CSMD1: variants seen among roughly 807,000 people sequenced by gnomAD.
CSMD1 encodes CUB and sushi domain-containing protein 1.
CSMD1 carries 213 observed loss-of-function variants against 417.5 expected under a neutral mutation model. The observed-to-expected ratio is 0.51, with a 90% CI of 0.46 to 0.57. The LOEUF (loss-of-function observed/expected upper bound fraction) is 0.57, where lower values mean the gene tolerates loss of function less well. Ranked by LOEUF, CSMD1 falls within the 20% of genes least tolerant of loss-of-function variation. The probability of loss-of-function intolerance (pLI) is 0.00; values close to 1 mark genes in which losing one functional copy is unlikely to be tolerated. For missense variants in CSMD1, 6,923 were observed against 4,529.7 expected (o/e 1.53, Z -15.17); for synonymous variants, 2,862 against 1,736.8 (o/e 1.65, Z -16.11).
At chr8:3,489,201 G>C (rs552706031) in intron 11 of CSMD1, among the ~76,000 whole-genome samples, 3 of 152,294 alleles carry the variant, frequency 2.0e-5, no homozygotes, top group African/African-American at 7.2e-5. Context: ...ATGCCAGGCA[G>C]TGTCTGGGAG....
intron 1 of CSMD1, among the ~76,000 whole-genome samples, chr8:4,868,609 G>C (rs1249795206): frequency 3.9e-5 from 6 of 151,984 alleles, no homozygotes; most frequent in Admixed American, 1.3e-4. Flanking sequence ...GAGGCATAAT[G>C]AACAAGTGTT....
At chr8:4,159,041 T>C (rs544074578) in intron 3 of CSMD1, among the ~76,000 whole-genome samples, 3 of 151,992 alleles carry the variant, frequency 2.0e-5, no homozygotes, top group East Asian at 3.9e-4. Context: ...TCAGCCTCCA[T>C]AGTAACTGGG....
intron 46 of CSMD1, 82 bp downstream of exon 46, chr8:3,106,446 C>T (rs958301697): frequency 7.5e-6 from 6 of 800,038 alleles, no homozygotes; most frequent in Non-Finnish European, 1.2e-5. Context: ...CACATCTATA[C>T]AAAGAAATGC....
At chr8:4,658,717 C>T (rs1741093419) in intron 1 of CSMD1, among the ~76,000 whole-genome samples, 1 of 152,104 alleles carries the variant, frequency 6.6e-6, no homozygotes, top group Non-Finnish European at 1.5e-5. Flanking sequence ...ATAAAAGTCA[C>T]TATTCTTATA....
chr8:4,564,670 G>C lies in CSMD1; in HGVS notation c.302+72672C>G, dbSNP rs968317915. Among the ~76,000 whole-genome samples the C allele has an allele frequency of 3.3e-5, 5 of 152,296 alleles. 1 individual carries two copies. The highest frequency in any genetic ancestry group is 1.5e-5 in the Non-Finnish European group (1 of 68,030). ...CACTGAGGAAGCAGATAATTCTAAA[G>C]TCTATAGTACCTGAGTAAGCTAACA... On this transcript the variant is annotated intron_variant, in intron 2 of 69. Coordinates refer to ENST00000635120, the MANE Select transcript of CSMD1 (RefSeq NM_033225.6).
intron 5 of CSMD1, among the ~76,000 whole-genome samples, chr8:3,855,302 G>T (rs556374293): frequency 7.2e-5 from 11 of 152,084 alleles, no homozygotes; most frequent in African/African-American, 2.4e-4. Context: ...TAAACTTGAG[G>T]CATTAAAAAT....
At chr8:4,156,691 AG>A (rs1796853058) in intron 3 of CSMD1, among the ~76,000 whole-genome samples, 1 of 152,120 alleles carries the variant, frequency 6.6e-6, no homozygotes, top group African/African-American at 2.4e-5. Flanking sequence ...CTGTACTGTC[AG>A]GGGCCCAAGA....
At chr8:2,990,458 C>T (rs1445798292) in intron 54 of CSMD1, among the ~76,000 whole-genome samples, 1 of 152,160 alleles carries the variant, frequency 6.6e-6, no homozygotes, top group Non-Finnish European at 1.5e-5. Context: ...AAACCCATCC[C>T]CCATTTTCCA....
rs1250962536 is a variant in CSMD1, at chr8:2,962,846, C to T, written c.9455-207G>A. On this transcript the variant is annotated intron_variant, in intron 60 of 69. Coordinates refer to ENST00000635120, the MANE Select transcript of CSMD1 (RefSeq NM_033225.6). The stretch of plus-strand genomic sequence containing the variant: ...GGCGGATCGCTTGAGCTCAGGAGTT[C>T]GAGACTAGCCTGGGCAACATGGCGA... Among the ~76,000 whole-genome samples the T allele has an allele frequency of 2.6e-5, 4 of 152,116 alleles. No homozygotes were observed. In the East Asian group the frequency reaches 5.8e-4, roughly 22 times the overall value.
intron 5 of CSMD1, among the ~76,000 whole-genome samples, chr8:3,794,420 T>A (rs189222216): frequency 4.6e-5 from 7 of 152,276 alleles, no homozygotes; most frequent in Non-Finnish European, 4.4e-5. Context: ...ACCTGTACCT[T>A]TGTTAAATGT....
intron 2 of CSMD1, among the ~76,000 whole-genome samples, chr8:4,448,772 G>T (rs1275521401): frequency 6.6e-6 from 1 of 151,988 alleles, no homozygotes. Flanking sequence ...CATATTTAAG[G>T]CTTTAAATGA....
intron 3 of CSMD1, among the ~76,000 whole-genome samples, chr8:4,102,965 A>G (rs903963296): frequency 2.0e-5 from 3 of 152,152 alleles, no homozygotes; most frequent in Non-Finnish European, 4.4e-5. Flanking sequence ...GATAACTTTA[A>G]CACGTGCAGA....
intron 1 of CSMD1, among the ~76,000 whole-genome samples, chr8:4,897,839 T>C (rs1182765561): frequency 6.6e-6 from 1 of 152,178 alleles, no homozygotes; most frequent in African/African-American, 2.4e-5. Context: ...TGTATAATGC[T>C]AAGAAGAGAA....
chr8:3,182,144 A>C lies in CSMD1; in HGVS notation c.5621-930T>G, dbSNP rs114394850. Among the ~76,000 whole-genome samples the C allele has an allele frequency of 5.9e-3, 898 of 152,340 alleles. 10 individuals are homozygous for C. Among genetic ancestry groups the C allele is most frequent in the African/African-American group, 0.02 (836 of 41,572 alleles). ...GGAGAAATGATAATTTAAATAACAA[A>C]GCAAAGAAATAAGTTGATAATTATT... On this transcript the variant is annotated intron_variant, in intron 36 of 69. Transcript: ENST00000635120.
At chr8:3,576,391 C>T (rs1241791861) in intron 9 of CSMD1, among the ~76,000 whole-genome samples, 1 of 152,062 alleles carries the variant, frequency 6.6e-6, no homozygotes, top group East Asian at 1.9e-4. Flanking sequence ...GTTATGCATT[C>T]CCTGACCTTA....
At chr8:4,852,455 T>A (rs1172768099) in intron 1 of CSMD1, among the ~76,000 whole-genome samples, 1 of 152,168 alleles carries the variant, frequency 6.6e-6, no homozygotes, top group Non-Finnish European at 1.5e-5. Context: ...CATGATTGAA[T>A]GCTTGATGAG....
At chr8:3,667,484 G>A (rs1190018203) in intron 7 of CSMD1, among the ~76,000 whole-genome samples, 1 of 152,106 alleles carries the variant, frequency 6.6e-6, no homozygotes, top group African/African-American at 2.4e-5. Flanking sequence ...AAACAATGCA[G>A]GGCCAGGGTG....
chr8:4,186,850 G>T (rs1798707224), intron 3 of CSMD1, among the ~76,000 whole-genome samples: 1 of 132,362 alleles, frequency 7.6e-6, no homozygotes, highest in African/African-American at 2.8e-5. Context: ...AAAAAAATCA[G>T]CCGGGCGTGG....
At chr8:3,435,342 C>A (rs965802194) in intron 12 of CSMD1, among the ~76,000 whole-genome samples, 2 of 152,306 alleles carry the variant, frequency 1.3e-5, no homozygotes, top group Admixed American at 1.3e-4. Context: ...AACAGATGCC[C>A]TGAGTGGTTC....
Sources: allele counts gnomAD v4.1 joint callset (sites outside exome capture counted in the v4.1 genomes callset), GRCh38; gene constraint gnomAD v4.1.1; transcripts MANE v1.5; gene names NCBI Gene and HGNC (gene_info 2026-07-23, HGNC 2026-07-21).